Variants in STK38L observed in about 807,000 individuals in gnomAD.
STK38L encodes the protein serine/threonine-protein kinase 38-like.
In STK38L, 28 loss-of-function variants were observed where a neutral mutation model predicts 59.7. That is an observed-to-expected ratio of 0.47 (90% confidence interval 0.35 to 0.64). The LOEUF (loss-of-function observed/expected upper bound fraction) is 0.64, where lower values mean the gene tolerates loss of function less well. Ranked by LOEUF, STK38L falls within the 30% of genes least tolerant of loss-of-function variation. STK38L has a pLI of 0.01. For missense variants in STK38L, 314 were observed against 555.8 expected (o/e 0.56, Z 4.37); for synonymous variants, 162 against 176.8 (o/e 0.92, Z 0.66).
intron 3 of STK38L, among the ~76,000 whole-genome samples, chr12:27,307,607 G>A (rs994562107): frequency 3.9e-5 from 6 of 152,132 alleles, no homozygotes; most frequent in Admixed American, 1.3e-4. Flanking sequence ...AGCTAACTAT[G>A]TCCAAAAACA....
intron 2 of STK38L, 78 bp from the exon 3 acceptor site, chr12:27,302,059 G>T: frequency 1.7e-6 from 2 of 1,176,788 alleles, no homozygotes; most frequent in Non-Finnish European, 2.4e-6. Context: ...TGGTTAACCT[G>T]AATAAATAAA....
At chr12:27,318,080 G>T in intron 11 of STK38L, 61 bp downstream of exon 11, 1 of 1,594,270 alleles carries the variant, frequency 6.3e-7, no homozygotes, top group South Asian at 1.1e-5. Flanking sequence ...GAACCTAAAA[G>T]ACTCATTTCA....
chr12:27,277,585 A>G (rs1943565351), intron 1 of STK38L, among the ~76,000 whole-genome samples: 1 of 152,198 alleles, frequency 6.6e-6, no homozygotes, highest in Non-Finnish European at 1.5e-5. Context: ...GTTTTCTGGA[A>G]TGACAAATGA....
chr12:27,318,702 A>G (rs1211966312), intron 11 of STK38L, among the ~76,000 whole-genome samples: 1 of 152,168 alleles, frequency 6.6e-6, no homozygotes, highest in Non-Finnish European at 1.5e-5. Flanking sequence ...TTAGAAAACA[A>G]ATTTATTGGC....
chr12:27,314,558 A>G lies in STK38L; in HGVS notation c.572A>G (p.Gln191Arg), dbSNP rs142852159. Residue 191 changes from glutamine (Q) to arginine (R), a missense_variant, in exon 7 of 14, where the codon CAG becomes CGG. Gln to Arg is a conservative substitution (Grantham distance 43). Transcript: ENST00000389032. Reference protein sequence around the residue: ...KKDTLTEEETQFYISETVLAI... With the variant: ...KKDTLTEEETRFYISETVLAI... Reference sequence around the variant, plus strand: ...GACACCTTGACAGAAGAGGAAACACAGTTCTACATTTCAGAGACTGTTCTG... The same window carrying G: ...GACACCTTGACAGAAGAGGAAACACGGTTCTACATTTCAGAGACTGTTCTG... 2 of 1,605,994 alleles carry G rather than the reference A, an allele frequency of 1.2e-6. No homozygotes were observed. The highest frequency in any genetic ancestry group is 1.7e-6 in the Non-Finnish European group (2 of 1,176,144).
At chr12:27,247,219 A>G (rs11048948) in intron 1 of STK38L, among the ~76,000 whole-genome samples, 24,699 of 152,148 alleles carry the variant, frequency 0.16, 2,293 homozygotes, top group African/African-American at 0.26. Context: ...AGGTATTTTT[A>G]TTATTCCCGT....
chr12:27,284,838 G>A (rs1366517245), intron 1 of STK38L, among the ~76,000 whole-genome samples: 1 of 152,116 alleles, frequency 6.6e-6, no homozygotes. Flanking sequence ...TTTCCTTCCT[G>A]CCTCAAAGTT....
Position 27,297,696 on chromosome 12 carries a change from C to G in STK38L, c.-11-14C>G, listed in dbSNP as rs1251482727. On this transcript the variant is annotated splice_polypyrimidine_tract_variant and intron_variant, in intron 1 of 13. Coordinates refer to ENST00000389032, the MANE Select transcript of STK38L (RefSeq NM_015000.4). ...TTTTCCCACTGAATAATTTGTTTTT[C>G]TATGTTGTTTCAGTTTCCGTTACTA... is the stretch of plus-strand genomic sequence containing the variant. The G allele has an allele frequency of 3.8e-6, 6 of 1,589,254 alleles. No individual in the cohort carries two copies. In the Admixed American group the frequency reaches 9.0e-5, roughly 24 times the overall value.
rs1002420496 is a variant in STK38L at position 27,317,413 on chromosome 12, C to T, written c.915C>T (p.Asp305=). The T allele has an allele frequency of 1.5e-5, 24 of 1,612,938 alleles. No homozygotes were observed. The Admixed American group carries it at 1.5e-4, about 10-fold the overall frequency. Residue 305 remains aspartate, a synonymous_variant, in exon 10 of 14, where the codon GAC becomes GAT. Transcript: ENST00000389032. ...AGACTGGTTACAACAAATTGTGTGA[C>T]TGGTGGTCTTTGGGAGTGATTATGT... ...FMQTGYNKLC[D]WWSLGVIMYE...
chr12:27,277,392 C>CCA (rs58648742), intron 1 of STK38L, among the ~76,000 whole-genome samples: 2,390 of 148,784 alleles, frequency 0.016, 32 homozygotes, highest in Non-Finnish European at 0.022. Context: ...CTGGAAGGAA[C>CCA]CACACACACA....
rs1262452477 is a variant in STK38L at position 27,302,281 on chromosome 12, A to C, written c.186+93A>C. The stretch of plus-strand genomic sequence containing the variant: ...GTATTTTATAACTTAAATAATGTGG[A>C]TTTTATCATTTGAATATGGGCTTCT... On this transcript the variant is annotated intron_variant, in intron 3 of 13. Transcript: ENST00000389032. 5.2e-6 allele frequency: 5 copies of C among 953,754 alleles called. No individual in the cohort carries two copies. The African/African-American group carries it at 8.5e-5, about 16-fold the overall frequency. The allele number at this position is 953,754 out of a possible 1,614,324, so 59.1% of individuals were successfully genotyped here. A position where few individuals can be genotyped will look rare whatever the true frequency, so the allele number is the denominator to read the frequency against.
At chr12:27,303,747 G>A (rs191453939) in intron 3 of STK38L, among the ~76,000 whole-genome samples, 4 of 152,166 alleles carry the variant, frequency 2.6e-5, no homozygotes, top group Admixed American at 2.0e-4. Context: ...TAATTGATTT[G>A]AATTGTAAAG....
intron 1 of STK38L, among the ~76,000 whole-genome samples, chr12:27,286,042 A>G (rs1421197057): frequency 6.6e-6 from 1 of 152,174 alleles, no homozygotes; most frequent in Non-Finnish European, 1.5e-5. Flanking sequence ...AGCTCAAGAT[A>G]TGACTGGAAA....
intron 4 of STK38L, 48 bp from the exon 5 acceptor site, chr12:27,309,066 G>T: frequency 1.5e-6 from 2 of 1,368,160 alleles, no homozygotes; most frequent in South Asian, 3.6e-5. Flanking sequence ...TTTCTTTCCT[G>T]AACAAATAGT....
chr12:27,292,298 T>C (rs1271066712), intron 1 of STK38L, among the ~76,000 whole-genome samples: 1 of 152,272 alleles, frequency 6.6e-6, no homozygotes, highest in Admixed American at 6.5e-5. Flanking sequence ...ATTTAAATTT[T>C]TAAAAGTCTG....
At chr12:27,312,500 A>C (rs1394508076) in intron 5 of STK38L, 49 bp from the exon 6 acceptor site, 3 of 1,596,438 alleles carry the variant, frequency 1.9e-6, no homozygotes, top group African/African-American at 1.4e-5. Flanking sequence ...GAGTTTAACA[A>C]ATGTGTGATG....
At chr12:27,283,470 T>G (rs1452054991) in intron 1 of STK38L, among the ~76,000 whole-genome samples, 1 of 152,232 alleles carries the variant, frequency 6.6e-6, no homozygotes, top group African/African-American at 2.4e-5. Context: ...TTTCATATGC[T>G]GTCATTATCT....
intron 11 of STK38L, 47 bp from the exon 12 acceptor site, chr12:27,319,281 T>G (rs1236429948): frequency 7.8e-7 from 1 of 1,274,286 alleles, no homozygotes; most frequent in Admixed American, 1.8e-5. Context: ...GCTAGAATAC[T>G]TTAGATGTAA....
chr12:27,246,070 A>G (rs10771325), intron 1 of STK38L, among the ~76,000 whole-genome samples: 117,520 of 152,200 alleles, frequency 0.77, 46,328 homozygotes, highest in East Asian at 1. Context: ...GGAGACTGAG[A>G]TGATTTGTGC....
Sources: allele counts gnomAD v4.1 joint callset (sites outside exome capture counted in the v4.1 genomes callset), GRCh38; gene constraint gnomAD v4.1.1; transcripts MANE v1.5; gene names NCBI Gene and HGNC (gene_info 2026-07-23, HGNC 2026-07-21).